AP3B2: variants seen among roughly 807,000 people sequenced by gnomAD.
AP3B2 encodes the protein AP-3 complex subunit beta-2.
A neutral mutation model predicts 126.9 loss-of-function variants in AP3B2; 50 were observed. The ratio of observed to expected loss-of-function variants is 0.39; its 90% CI spans 0.31 to 0.50. AP3B2 has a LOEUF of 0.50. AP3B2 is among the 20% of genes least tolerant of loss of function. AP3B2 has a pLI of 0.79. For synonymous variants in AP3B2, 541 were observed against 565.0 expected (o/e 0.96, Z 0.60); for missense variants, 1,177 against 1,426.4 (o/e 0.83, Z 2.82).
chr15:82,678,575 C>T (rs1327940576), intron 10 of AP3B2, among the ~76,000 whole-genome samples: 1 of 152,212 alleles, frequency 6.6e-6, no homozygotes, highest in Non-Finnish European at 1.5e-5. Context: ...CCAGGGTCTT[C>T]GCAGATGCTG....
At chr15:82,709,510 G>A (rs2048848914) in intron 1 of AP3B2, 84 bp downstream of exon 1, 4 of 991,844 alleles carry the variant, frequency 4.0e-6, no homozygotes, top group African/African-American at 3.5e-5. Flanking sequence ...CGGCGCTGGG[G>A]CCGGGCGCTG....
In AP3B2 at chr15:82,681,254, C is replaced by T. The variant is rs1174857130; in HGVS notation, c.522-76G>A. The T allele has an allele frequency of 6.5e-7, 1 of 1,538,036 alleles. No individual in the cohort carries two copies. The highest frequency in any genetic ancestry group is 8.8e-7 in the Non-Finnish European group (1 of 1,130,842). On this transcript the variant is annotated intron_variant, in intron 5 of 26. Transcript: ENST00000535359. This position sits in a 1 kb window ranked among gnomAD's most constrained non-coding sequence, Gnocchi z 4.0. The stretch of plus-strand genomic sequence containing the variant: ...CCAATATCTGTCCAAGCCATGCTCA[C>T]CTCCTGCACCCCAGCCTTATTGTTC...
At chr15:82,678,958 A>C (rs1176090593) in intron 10 of AP3B2, among the ~76,000 whole-genome samples, 1 of 152,176 alleles carries the variant, frequency 6.6e-6, no homozygotes, top group African/African-American at 2.4e-5. Flanking sequence ...GCAGGAATCA[A>C]ATGGAGGTAT....
At chr15:82,679,578 C>T (rs932801403) in intron 10 of AP3B2, 151 bp downstream of exon 10, 3 of 716,270 alleles carry the variant, frequency 4.2e-6, no homozygotes, top group Non-Finnish European at 7.2e-6. Context: ...AGCCCAGCTC[C>T]CTGAACAAAC....
In AP3B2 at chr15:82,664,878, C is replaced by A; in HGVS notation, c.2094G>T (p.Ser698=). The change falls in exon 18 of 27, where the codon TCG becomes TCT. Residue 698 remains serine, a synonymous_variant. Transcript: ENST00000535359. The surrounding 1 kb of genome is among the most constrained non-coding windows in gnomAD (Gnocchi z 4.5). ...KRKEKEKPFY[S]DSEGESGPTE... Reference sequence around the variant, plus strand: ...TGGGGCCTGACTCCCCCTCAGAGTCCGAGTAGAAGGGTTTTTCCTTCTCCT... The same window carrying A: ...TGGGGCCTGACTCCCCCTCAGAGTCAGAGTAGAAGGGTTTTTCCTTCTCCT... The A allele has an allele frequency of 2.5e-6, 4 of 1,605,060 alleles. No homozygotes were observed. The highest frequency in any genetic ancestry group is 1.7e-5 in the Admixed American group (1 of 58,764).
intron 1 of AP3B2, among the ~76,000 whole-genome samples, chr15:82,693,309 C>T (rs1232953814): frequency 1.3e-5 from 2 of 151,116 alleles, no homozygotes; most frequent in East Asian, 1.9e-4. Flanking sequence ...TGCAATGGCA[C>T]GATCTCGGGT....
chr15:82,691,020 T>C (rs1425678509), intron 1 of AP3B2, among the ~76,000 whole-genome samples: 1 of 151,902 alleles, frequency 6.6e-6, no homozygotes, highest in African/African-American at 2.4e-5. Flanking sequence ...TGATGGACAT[T>C]TGGGTTGGTT....
At chr15:82,675,308 C>T (rs1415065186) in intron 14 of AP3B2, among the ~76,000 whole-genome samples, 1 of 152,206 alleles carries the variant, frequency 6.6e-6, no homozygotes, top group Non-Finnish European at 1.5e-5. Flanking sequence ...TATACAGACT[C>T]AGTTGCCTCC....
chr15:82,680,841 TG>T lies in AP3B2; in HGVS notation c.766del (p.Gln256ArgfsTer6). 6.2e-7 allele frequency: 1 copy of T among 1,613,636 alleles called. No homozygotes were observed. Among genetic ancestry groups the T allele is most frequent in the Non-Finnish European group, 8.5e-7 (1 of 1,179,722 alleles). On this transcript the variant is annotated frameshift_variant, in exon 7 of 27. Coordinates refer to ENST00000535359, the MANE Select transcript of AP3B2 (RefSeq NM_001278512.2). LOFTEE classifies it high-confidence loss of function. This position sits in a 1 kb window ranked among gnomAD's most constrained non-coding sequence, Gnocchi z 6.1. ...YARTQFLSPT[Q>X]NESLLEENAE... Reference sequence around the variant, plus strand: ...GCCTGGGCTGGGCCCACTTACGTTCTGGGTGGGGCTCAGGAACTGCGTGCGG... The same window carrying T: ...GCCTGGGCTGGGCCCACTTACGTTCTGGTGGGGCTCAGGAACTGCGTGCGG...
At chr15:82,699,996 T>C in intron 1 of AP3B2, 3 of 397,830 alleles carry the variant, frequency 7.5e-6, no homozygotes, top group African/African-American at 2.1e-5. Flanking sequence ...TGCTCCGGTT[T>C]CCTCTTCACT....
intron 13 of AP3B2, 142 bp downstream of exon 13, chr15:82,677,132 T>A: frequency 1.4e-6 from 1 of 713,764 alleles, no homozygotes; most frequent in Admixed American, 2.4e-5. Flanking sequence ...CAGGGTCACA[T>A]GGTCCAGTGT....
In AP3B2 at chr15:82,659,672, A is replaced by G; in HGVS notation, c.3194T>C (p.Leu1065Pro). ...AGCTGGCCGGGCATCCAGGGTCAGC[A>G]GAACGAGGCTTCCACCAGTCAGTGT... is the stretch of plus-strand genomic sequence containing the variant. ...GRTLTGGSLV[L>P]LTLDARPAGA... Residue 1065 changes from leucine to proline, a missense_variant, in exon 27 of 27, where the codon CTG (leucine) becomes CCG (proline). Transcript: ENST00000535359. 2 of 1,613,964 alleles carry G rather than the reference A, an allele frequency of 1.2e-6. No homozygotes were observed. Among genetic ancestry groups the G allele is most frequent in the Non-Finnish European group, 1.7e-6 (2 of 1,179,876 alleles).
intron 9 of AP3B2, 97 bp from the exon 10 acceptor site, chr15:82,679,897 C>T (rs1483916357): frequency 8.7e-7 from 1 of 1,143,650 alleles, no homozygotes; most frequent in Non-Finnish European, 1.3e-6. Context: ...CGCCCAGGAT[C>T]CTTGCCTCCT....
At chr15:82,662,433 C>G in intron 23 of AP3B2, 181 bp from the exon 24 acceptor site, 3 of 647,828 alleles carry the variant, frequency 4.6e-6, no homozygotes, top group Non-Finnish European at 8.0e-6. Flanking sequence ...AGCACCCTTT[C>G]CCCCACTCAC....
intron 1 of AP3B2, among the ~76,000 whole-genome samples, chr15:82,696,781 A>G (rs1045633818): frequency 1.3e-5 from 2 of 152,136 alleles, no homozygotes; most frequent in African/African-American, 4.8e-5. Flanking sequence ...GTGGCTAACC[A>G]TACTCAGAGG....
At chr15:82,689,071 G>A (rs916997802) in intron 3 of AP3B2, 87 bp downstream of exon 3, 6 of 1,487,556 alleles carry the variant, frequency 4.0e-6, no homozygotes, top group Non-Finnish European at 3.7e-6. Flanking sequence ...GGCCCCCAGG[G>A]GCTAAATCAT....
rs778557732 is a variant in AP3B2 at position 82,663,604 on chromosome 15, C to G, written c.2453G>C (p.Ser818Thr). Residue 818 changes from serine (S) to threonine (T), a missense_variant, in exon 21 of 27, where the codon AGT becomes ACT. Physicochemically the swap from Ser to Thr is moderately conservative, Grantham distance 58 (BLOSUM62 1). Transcript: ENST00000535359. ...WSRKTPPSSKSAPATKEISLL... is the reference protein window; with the variant it reads ...WSRKTPPSSKTAPATKEISLL... ...GGAGATCTCCTTGGTTGCAGGAGCA[C>G]TTTTGCTGCTGGGAGGCTGAAAGAG... is the stretch of plus-strand genomic sequence containing the variant. 4 of 1,613,820 alleles carry G rather than the reference C, an allele frequency of 2.5e-6. No individual in the cohort carries two copies. The highest frequency in any genetic ancestry group is 3.4e-6 in the Non-Finnish European group (4 of 1,179,858).
At chr15:82,683,046 A>ATTTTTTTTT (rs1567267339) in intron 4 of AP3B2, among the ~76,000 whole-genome samples, 2 of 71,930 alleles carry the variant, frequency 2.8e-5, no homozygotes, top group Admixed American at 1.5e-4. Context: ...CTGCACCAGG[A>ATTTTTTTTT]GTTTTTTTTT....
At chr15:82,697,070 G>A (rs909360498) in intron 1 of AP3B2, among the ~76,000 whole-genome samples, 8 of 152,110 alleles carry the variant, frequency 5.3e-5, no homozygotes, top group Non-Finnish European at 1.0e-4. Context: ...GGTGGCTCAC[G>A]CCTGTAATCC....
Sources: allele counts gnomAD v4.1 joint callset (sites outside exome capture counted in the v4.1 genomes callset), GRCh38; gene constraint gnomAD v4.1.1; non-coding constraint Gnocchi (gnomAD v3.1); transcripts MANE v1.5; gene names NCBI Gene and HGNC (gene_info 2026-07-23, HGNC 2026-07-21).